The following AGBL4 variants were observed in gnomAD, a reference collection of about 807,000 sequenced individuals.
AGBL4 encodes cytosolic carboxypeptidase 6.
AGBL4 carries 58 observed loss-of-function variants against 66.4 expected under a neutral mutation model. That is an observed-to-expected ratio of 0.87 (90% CI 0.71 to 1.09). AGBL4 has a LOEUF of 1.09. Ranked by LOEUF, AGBL4 falls within the 50% of genes least tolerant of loss-of-function variation. AGBL4 has a pLI of 0.00. For missense variants in AGBL4, 579 were observed against 631.0 expected (o/e 0.92, Z 0.88); for synonymous variants, 234 against 222.9 (o/e 1.05, Z -0.44).
chr1:49,445,122 G>GA (rs1646125119), intron 3 of AGBL4, among the ~76,000 whole-genome samples: 1 of 151,272 alleles, frequency 6.6e-6, no homozygotes, highest in Admixed American at 6.6e-5. Context: ...TTCTTTGCTG[G>GA]AAAAAATCTT....
chr1:48,602,800 ACTCT>A (rs1428723765), intron 9 of AGBL4, among the ~76,000 whole-genome samples: 1 of 151,876 alleles, frequency 6.6e-6, no homozygotes, highest in South Asian at 2.1e-4. Flanking sequence ...TTCTTCTCTA[ACTCT>A]CTCATCTTGC....
At chr1:49,760,959 G>T (rs2147861218) in intron 2 of AGBL4, among the ~76,000 whole-genome samples, 1 of 152,088 alleles carries the variant, frequency 6.6e-6, no homozygotes, top group Admixed American at 6.5e-5. Context: ...TCATAAGTGG[G>T]ACTTGAACAA....
chr1:49,490,395 T>C (rs964845084), intron 3 of AGBL4, among the ~76,000 whole-genome samples: 11 of 151,772 alleles, frequency 7.2e-5, no homozygotes, highest in African/African-American at 2.7e-4. Flanking sequence ...ATTTTCTGCA[T>C]ATTGCTGTTT....
At chr1:48,948,613 C>T (rs1001262262) in intron 5 of AGBL4, among the ~76,000 whole-genome samples, 3 of 152,154 alleles carry the variant, frequency 2.0e-5, no homozygotes, top group African/African-American at 4.8e-5. Flanking sequence ...CTATTTTTTA[C>T]CCTCTTGCCT....
chr1:48,708,348 C>T (rs115772694), intron 6 of AGBL4, among the ~76,000 whole-genome samples: 3,095 of 152,216 alleles, frequency 0.02, 41 homozygotes, highest in Non-Finnish European at 0.032. Context: ...ACTGCAGGGA[C>T]CCTGAAGAGG....
At chr1:49,593,095 C>G (rs1470157038) in intron 3 of AGBL4, among the ~76,000 whole-genome samples, 1 of 152,100 alleles carries the variant, frequency 6.6e-6, no homozygotes, top group South Asian at 2.1e-4. Context: ...TATTCATCAT[C>G]ATGGCATTGT....
At chr1:49,692,159 T>G (rs1361307837) in intron 3 of AGBL4, among the ~76,000 whole-genome samples, 1 of 152,166 alleles carries the variant, frequency 6.6e-6, no homozygotes, top group Non-Finnish European at 1.5e-5. Context: ...TACTTAACAT[T>G]GTCTTGTTTA....
At chr1:48,837,033 A>G (rs1382295097) in intron 6 of AGBL4, among the ~76,000 whole-genome samples, 2 of 148,266 alleles carry the variant, frequency 1.3e-5, no homozygotes, top group African/African-American at 4.9e-5. Flanking sequence ...AACATAAGTA[A>G]TATGATAATA....
chr1:48,534,302 G>T lies in AGBL4; in HGVS notation c.1392-9C>A, dbSNP rs937556743. 15 of 1,548,202 alleles carry T rather than the reference G, an allele frequency of 9.7e-6. No homozygotes were observed. The Admixed American group carries it at 2.8e-4, about 29-fold the overall frequency. ...GAGGGGATTTTTCTTTCCTGCAAAGGGGGAGATAACAGAAAGAGAGAAGAC... is the reference window on the plus strand; with the variant it reads ...GAGGGGATTTTTCTTTCCTGCAAAGTGGGAGATAACAGAAAGAGAGAAGAC... On this transcript the variant is annotated splice_polypyrimidine_tract_variant and intron_variant, in intron 13 of 13. Transcript: ENST00000371839.
At chr1:49,395,789 G>GTATATATATACATATATATGTGTGTACA (rs1644952586) in intron 3 of AGBL4, among the ~76,000 whole-genome samples, 1 of 121,344 alleles carries the variant, frequency 8.2e-6, no homozygotes, top group South Asian at 2.6e-4. Flanking sequence ...GTGTATATAT[G>GTATATATATACATATATATGTGTGTACA]TATATATATA....
intron 3 of AGBL4, among the ~76,000 whole-genome samples, chr1:49,365,856 T>C (rs1186741890): frequency 2.0e-5 from 3 of 152,126 alleles, no homozygotes; most frequent in Admixed American, 6.6e-5. Flanking sequence ...ACTTACTAGG[T>C]AGTAGACAAT....
chr1:49,540,602 A>G (rs1399404149), intron 3 of AGBL4, among the ~76,000 whole-genome samples: 1 of 152,208 alleles, frequency 6.6e-6, no homozygotes, highest in Non-Finnish European at 1.5e-5. Context: ...TAGCAAAAGG[A>G]TGTATACTAT....
intron 3 of AGBL4, among the ~76,000 whole-genome samples, chr1:49,544,162 GTCC>G (rs950370429): frequency 3.9e-5 from 6 of 152,100 alleles, no homozygotes; most frequent in Non-Finnish European, 7.4e-5. Flanking sequence ...TGTGCTCAAT[GTCC>G]TCCTTACTTG....
rs374737296 is a variant in AGBL4, at chr1:49,969,519, C to T, written c.34+54244G>A. 5.9e-5 allele frequency among the ~76,000 whole-genome samples: 9 copies of T among 152,244 alleles called. No individual in the cohort carries two copies. In the East Asian group the frequency reaches 1.4e-3, roughly 23 times the overall value. ...ACTTTTTACCCTTAACTAATACCTC[C>T]CCATTTCCCCCACCCCACATCCCCT... On this transcript the variant is annotated intron_variant, in intron 1 of 13. Transcript: ENST00000371839.
chr1:49,993,869 T>G (rs1660151385), intron 1 of AGBL4, among the ~76,000 whole-genome samples: 1 of 152,148 alleles, frequency 6.6e-6, no homozygotes, highest in African/African-American at 2.4e-5. Context: ...CTCCTGGGAT[T>G]TTTAAGTATT....
intron 2 of AGBL4, among the ~76,000 whole-genome samples, chr1:49,843,961 T>C (rs1646069826): frequency 6.6e-6 from 1 of 152,100 alleles, no homozygotes; most frequent in Non-Finnish European, 1.5e-5. Context: ...TGTTCATTCA[T>C]TAAGCATGTA....
At chr1:49,742,157 GTC>G (rs1650557346) in intron 2 of AGBL4, among the ~76,000 whole-genome samples, 1 of 151,814 alleles carries the variant, frequency 6.6e-6, no homozygotes, top group African/African-American at 2.4e-5. Context: ...AAACCCCATT[GTC>G]TCAGCCCAAA....
chr1:49,877,310 C>G lies in AGBL4; in HGVS notation c.35-25792G>C, dbSNP rs539409795. ...GGCTGTGGGTTTGTCATAGATAGCT[C>G]TTATTATTTTGAAATACGTCCCATC... On this transcript the variant is annotated intron_variant, in intron 1 of 13. Coordinates refer to ENST00000371839, the MANE Select transcript of AGBL4 (RefSeq NM_032785.4). 1.2e-4 allele frequency among the ~76,000 whole-genome samples: 18 copies of G among 151,406 alleles called. No individual in the cohort carries two copies. The East Asian group carries it at 3.3e-3, about 28-fold the overall frequency.
chr1:49,505,002 T>C (rs1257405312), intron 3 of AGBL4, among the ~76,000 whole-genome samples: 3 of 152,050 alleles, frequency 2.0e-5, no homozygotes, highest in Non-Finnish European at 4.4e-5. Context: ...TTTTTATCTT[T>C]TGTGTACCTA....
Sources: allele counts gnomAD v4.1 joint callset (sites outside exome capture counted in the v4.1 genomes callset), GRCh38; gene constraint gnomAD v4.1.1; transcripts MANE v1.5; gene names NCBI Gene and HGNC (gene_info 2026-07-23, HGNC 2026-07-21).